The following PARD3 variants were observed in gnomAD, a reference collection of about 807,000 sequenced individuals.
The protein encoded by PARD3 is partitioning defective 3 homolog.
In PARD3, 75 loss-of-function variants were observed where a neutral mutation model predicts 155.4. The observed-to-expected ratio is 0.48, with a 90% confidence interval of 0.40 to 0.58. The LOEUF is 0.58. Ranked by LOEUF, PARD3 falls within the 20% of genes least tolerant of loss-of-function variation. The probability of loss-of-function intolerance (pLI) is 0.00; values close to 1 mark genes in which losing one functional copy is unlikely to be tolerated. For missense variants in PARD3, 1,642 were observed against 1,721.7 expected, an observed-to-expected ratio of 0.95 and a Z score of 0.82; for synonymous variants, 576 against 610.5, an observed-to-expected ratio of 0.94 and a Z score of 0.83.
At chr10:34,281,766 G>A (rs1256624141) in intron 21 of PARD3, among the ~76,000 whole-genome samples, 1 of 152,072 alleles carries the variant, frequency 6.6e-6, no homozygotes, top group African/African-American at 2.4e-5. Flanking sequence ...AAGATTCCCA[G>A]ATGTACACAG....
chr10:34,511,449 G>A (rs531089711), intron 3 of PARD3, among the ~76,000 whole-genome samples: 2 of 152,182 alleles, frequency 1.3e-5, no homozygotes, highest in South Asian at 4.2e-4. Flanking sequence ...GAGCCCAAGA[G>A]GTCCAAGATC....
intron 3 of PARD3, among the ~76,000 whole-genome samples, chr10:34,493,798 A>G (rs1564776466): frequency 6.6e-6 from 1 of 152,162 alleles, no homozygotes; most frequent in Non-Finnish European, 1.5e-5. Context: ...CTATATTAAA[A>G]CAAAGATAAT....
chr10:34,608,647 G>A (rs1415306175), intron 2 of PARD3, among the ~76,000 whole-genome samples: 1 of 148,108 alleles, frequency 6.8e-6, no homozygotes, highest in Non-Finnish European at 1.5e-5. Flanking sequence ...CAGTTCTCCT[G>A]CTTCAGCCTC....
intron 18 of PARD3, among the ~76,000 whole-genome samples, chr10:34,335,891 T>C (rs758690979): frequency 2.6e-5 from 4 of 152,036 alleles, no homozygotes; most frequent in Admixed American, 6.6e-5. Context: ...ACAGATCACG[T>C]TTGCAGGATT....
At chr10:34,789,663 C>G (rs1214297200) in intron 1 of PARD3, among the ~76,000 whole-genome samples, 1 of 152,086 alleles carries the variant, frequency 6.6e-6, no homozygotes, top group Non-Finnish European at 1.5e-5. Context: ...CTGATAGCAC[C>G]ACTGCACTCT....
intron 22 of PARD3, among the ~76,000 whole-genome samples, chr10:34,197,672 T>C (rs1467237019): frequency 6.6e-6 from 1 of 152,236 alleles, no homozygotes; most frequent in Non-Finnish European, 1.5e-5. Flanking sequence ...GTTCTTCGTT[T>C]GAATTCTCCA....
intron 5 of PARD3, among the ~76,000 whole-genome samples, chr10:34,435,716 C>T (rs2076153971): frequency 6.6e-6 from 1 of 152,194 alleles, no homozygotes; most frequent in African/African-American, 2.4e-5. Flanking sequence ...TCTATACTAT[C>T]ATATAACATA....
intron 23 of PARD3, among the ~76,000 whole-genome samples, chr10:34,130,070 T>C (rs1158693551): frequency 1.3e-5 from 2 of 152,170 alleles, no homozygotes; most frequent in African/African-American, 2.4e-5. Flanking sequence ...GTCAACTTTA[T>C]GGACACTAAT....
Position 34,512,432 on chromosome 10 carries a change from A to G in PARD3, c.403+4547T>C, listed in dbSNP as rs539481017. ...CAGCAGGAGCATCGTGTTGTCTCCT[A>G]GGCCCTCTGGCCCACCCTAGTAATC... On this transcript the variant is annotated intron_variant, in intron 3 of 24. Coordinates refer to ENST00000374788, the MANE Select transcript of PARD3 (RefSeq NM_001184785.2). 2.6e-5 allele frequency among the ~76,000 whole-genome samples: 4 copies of G among 152,284 alleles called. No individual in the cohort carries two copies. The East Asian group carries it at 5.8e-4, about 22-fold the overall frequency.
chr10:34,758,538 A>G (rs1232905597), intron 1 of PARD3, among the ~76,000 whole-genome samples: 1 of 152,160 alleles, frequency 6.6e-6, no homozygotes, highest in African/African-American at 2.4e-5. Flanking sequence ...TGTTGCCCAC[A>G]ATTTCCTTCT....
chr10:34,470,028 G>A lies in PARD3; in HGVS notation c.582+57C>T, dbSNP rs547534507. ...TTACCCAAGACACGACACTCATCAC[G>A]GACACCAAGAAGTCAGGAGGGGCAA... On this transcript the variant is annotated intron_variant, in intron 4 of 24. Transcript: ENST00000374788. 9.4e-6 allele frequency: 13 copies of A among 1,389,440 alleles called. No individual in the cohort carries two copies. In the East Asian group the frequency reaches 1.2e-4, roughly 13 times the overall value. The allele number at this position is 1,389,440 out of a possible 1,614,324, so 86.1% of individuals were successfully genotyped here. A position where few individuals can be genotyped will look rare whatever the true frequency, so the allele number is the denominator to read the frequency against.
chr10:34,563,523 C>T (rs973674149), intron 2 of PARD3, among the ~76,000 whole-genome samples: 9 of 131,538 alleles, frequency 6.8e-5, no homozygotes, highest in African/African-American at 2.3e-4. Flanking sequence ...CACGCCACCA[C>T]GCCTGCTAAT....
chr10:34,604,410 C>G (rs2090046927), intron 2 of PARD3, among the ~76,000 whole-genome samples: 1 of 151,998 alleles, frequency 6.6e-6, no homozygotes, highest in South Asian at 2.1e-4. Context: ...AGCCTCCCAG[C>G]CCACATCTTT....
chr10:34,355,777 A>T (rs1838737113), intron 14 of PARD3, among the ~76,000 whole-genome samples: 1 of 151,750 alleles, frequency 6.6e-6, no homozygotes, highest in African/African-American at 2.4e-5. Flanking sequence ...AAATACAAAA[A>T]ATTAGCTGGG....
At chr10:34,465,912 C>G (rs1420614175) in intron 4 of PARD3, among the ~76,000 whole-genome samples, 1 of 152,094 alleles carries the variant, frequency 6.6e-6, no homozygotes, top group East Asian at 1.9e-4. Flanking sequence ...ACTAGCTGGC[C>G]TCTTTATTCA....
intron 2 of PARD3, among the ~76,000 whole-genome samples, chr10:34,655,561 A>C (rs550491193): frequency 1.3e-5 from 2 of 152,328 alleles, no homozygotes; most frequent in South Asian, 4.1e-4. Context: ...CTGGCTTTCA[A>C]GACCTTCCAT....
At chr10:34,179,199 CATAT>C (rs199900516) in intron 22 of PARD3, among the ~76,000 whole-genome samples, 67 of 129,756 alleles carry the variant, frequency 5.2e-4, no homozygotes, top group African/African-American at 2.8e-3. Context: ...CACACACACA[CATAT>C]AAAATTTAGA....
chr10:34,171,289 C>A (rs1249118546), intron 22 of PARD3, among the ~76,000 whole-genome samples: 1 of 152,112 alleles, frequency 6.6e-6, no homozygotes, highest in Non-Finnish European at 1.5e-5. Flanking sequence ...AAAAGATAAT[C>A]GAGGTTGCCT....
At chr10:34,733,891 C>T (rs1291903032) in intron 1 of PARD3, among the ~76,000 whole-genome samples, 1 of 151,414 alleles carries the variant, frequency 6.6e-6, no homozygotes, top group Non-Finnish European at 1.5e-5. Context: ...ATAAAGCTAA[C>T]ACCAATTCAC....
Sources: allele counts gnomAD v4.1 joint callset (sites outside exome capture counted in the v4.1 genomes callset), GRCh38; gene constraint gnomAD v4.1.1; transcripts MANE v1.5; gene names NCBI Gene and HGNC (gene_info 2026-07-23, HGNC 2026-07-21).